The following APP variants were observed in gnomAD, a reference collection of about 807,000 sequenced individuals.
The protein encoded by APP is amyloid-beta precursor protein.
APP carries 31 observed loss-of-function variants against 101.4 expected under a neutral mutation model. That is an observed-to-expected ratio of 0.31 (90% confidence interval 0.23 to 0.41). The LOEUF (loss-of-function observed/expected upper bound fraction) is 0.41. APP is among the 10% of genes least tolerant of loss of function. The pLI, the probability that APP is intolerant of heterozygous loss-of-function variation, is 1.00. For missense variants in APP, 839 were observed against 1,003.7 expected, an observed-to-expected ratio of 0.84 and a Z score of 2.22; for synonymous variants, 366 against 364.4, an observed-to-expected ratio of 1.00 and a Z score of -0.05.
In APP at chr21:26,005,308, C is replaced by T. The variant is rs77878667; in HGVS notation, c.866-5126G>A. Among the ~76,000 whole-genome samples, 294 of 152,084 alleles carry T rather than the reference C, an allele frequency of 1.9e-3. 6 individuals are homozygous for T. In the East Asian group the frequency reaches 0.049, roughly 25 times the overall value. On this transcript the variant is annotated intron_variant, in intron 6 of 17. Transcript: ENST00000346798. ...GTGCACATATAATCTCACCTACTCG[C>T]GAGGCCGAAGCACTGGAATCACTTG...
At chr21:26,057,079 T>C (rs2046071778) in intron 3 of APP, among the ~76,000 whole-genome samples, 1 of 152,216 alleles carries the variant, frequency 6.6e-6, no homozygotes, top group African/African-American at 2.4e-5. Context: ...ATGGAAACTG[T>C]ACTTTCTACT....
At chr21:26,045,026 T>C (rs1568903004) in intron 5 of APP, among the ~76,000 whole-genome samples, 1 of 152,302 alleles carries the variant, frequency 6.6e-6, no homozygotes, top group South Asian at 2.1e-4. Context: ...TGCAACACAT[T>C]TATTTGATAC....
In APP at chr21:26,130,359, G is replaced by C. The variant is rs113339303; in HGVS notation, c.58-18213C>G. On this transcript the variant is annotated intron_variant, in intron 1 of 17. Coordinates refer to ENST00000346798, the MANE Select transcript of APP (RefSeq NM_000484.4). ...TAAGTTCTTGTTTGAAGATCACCAA[G>C]CTTCTATAGTGTCTCTCTGAAGTGG... is the stretch of plus-strand genomic sequence containing the variant. 9.8e-4 allele frequency among the ~76,000 whole-genome samples: 149 copies of C among 152,342 alleles called. 1 individual carries two copies. The highest frequency in any genetic ancestry group is 3.3e-3 in the African/African-American group (138 of 41,586).
At chr21:26,075,938 G>T (rs1473298114) in intron 3 of APP, among the ~76,000 whole-genome samples, 2 of 152,092 alleles carry the variant, frequency 1.3e-5, no homozygotes, top group African/African-American at 4.8e-5. Flanking sequence ...TTGTCATCCA[G>T]GCTGGCGTGC....
intron 11 of APP, 45 bp downstream of exon 11, chr21:25,975,025 C>T: frequency 6.2e-7 from 1 of 1,612,820 alleles, no homozygotes; most frequent in Non-Finnish European, 8.5e-7. Context: ...CCCTTACTGT[C>T]TGTGCTGTGA....
intron 1 of APP, among the ~76,000 whole-genome samples, chr21:26,169,692 G>A (rs951591354): frequency 6.6e-6 from 1 of 152,248 alleles, no homozygotes; most frequent in Non-Finnish European, 1.5e-5. Context: ...CCGGGCGGGA[G>A]CCTCGGTGGC....
rs199905452 is a variant in APP at position 25,911,863 on chromosome 21, G to T, written c.1787C>A (p.Ser596Tyr). The change falls in exon 14 of 18, where the codon TCT becomes TAT. Residue 596 changes from serine (S) to tyrosine (Y), a missense_variant. By Grantham distance (144) the Ser-to-Tyr change is moderately radical. Transcript: ENST00000346798. ...CACGGTGGTTTTCGTTTCGGTCAAAGATGGCATGAGAGCATCGTTTCCGTA... is the reference window on the plus strand; with the variant it reads ...CACGGTGGTTTTCGTTTCGGTCAAATATGGCATGAGAGCATCGTTTCCGTA... ...ISYGNDALMP[S>Y]LTETKTTVEL... 1 of 1,614,166 alleles carries T rather than the reference G, an allele frequency of 6.2e-7. No individual in the cohort carries two copies. The highest frequency in any genetic ancestry group is 1.3e-5 in the African/African-American group (1 of 75,046).
chr21:25,938,834 GC>G (rs2040457416), intron 13 of APP, among the ~76,000 whole-genome samples: 1 of 152,176 alleles, frequency 6.6e-6, no homozygotes, highest in African/African-American at 2.4e-5. Context: ...GAAAGCTCGA[GC>G]TAGGACTGGA....
intron 1 of APP, among the ~76,000 whole-genome samples, chr21:26,130,326 CTTT>C (rs1010310151): frequency 1.1e-4 from 17 of 152,182 alleles, no homozygotes; most frequent in Non-Finnish European, 2.4e-4. Flanking sequence ...AAGAAAACTT[CTTT>C]GTTTTAAGTT....
At position 26,000,201 on chromosome 21, in the gene APP, G is replaced by A. The variant is rs1477198539; in HGVS notation, c.866-19C>T. 4 of 1,613,898 alleles carry A rather than the reference G, an allele frequency of 2.5e-6. No individual in the cohort carries two copies. Among genetic ancestry groups the A allele is most frequent in the East Asian group, 2.2e-5 (1 of 44,874 alleles). The stretch of plus-strand genomic sequence containing the variant: ...CACACCTCTAATCAGAGGAGATGTG[G>A]GGAACCACATTTAGCATGAAAAGGC... On this transcript the variant is annotated intron_variant, in intron 6 of 17. Coordinates refer to ENST00000346798, the MANE Select transcript of APP (RefSeq NM_000484.4).
At position 25,955,659 on chromosome 21, in the gene APP, C is replaced by T; in HGVS notation, c.1555G>A (p.Asp519Asn). The change falls in exon 12 of 18, where the codon GAT (aspartate) becomes AAT (asparagine). Residue 519 changes from aspartate to asparagine, a missense_variant. Coordinates refer to ENST00000346798, the MANE Select transcript of APP (RefSeq NM_000484.4). ...LKHFEHVRMVDPKKAAQIRSQ... is the reference protein window; with the variant it reads ...LKHFEHVRMVNPKKAAQIRSQ... ...CGGATCTGAGCGGCTTTCTTGGGAT[C>T]CACCATGCGCACATGCTCGAAATGC... 6.2e-7 allele frequency: 1 copy of T among 1,614,164 alleles called. No homozygotes were observed. The highest frequency in any genetic ancestry group is 8.5e-7 in the Non-Finnish European group (1 of 1,180,036).
chr21:26,078,811 C>T (rs949647620), intron 3 of APP, among the ~76,000 whole-genome samples: 1 of 152,052 alleles, frequency 6.6e-6, no homozygotes, highest in African/African-American at 2.4e-5. Flanking sequence ...TTTGGGAGGC[C>T]GAGGCGCGGA....
chr21:25,987,756 T>G (rs576067558), intron 8 of APP, among the ~76,000 whole-genome samples: 1 of 152,170 alleles, frequency 6.6e-6, no homozygotes, highest in Non-Finnish European at 1.5e-5. Flanking sequence ...AGCTCTGACA[T>G]GGACAAACTA....
intron 3 of APP, chr21:26,053,573 G>A: frequency 2.3e-6 from 1 of 436,668 alleles, no homozygotes; most frequent in South Asian, 2.7e-5. Flanking sequence ...CCTAAATGCT[G>A]CAAGTGAAAT....
chr21:26,063,596 G>A (rs965719320), intron 3 of APP, among the ~76,000 whole-genome samples: 6 of 151,964 alleles, frequency 3.9e-5, no homozygotes, highest in Non-Finnish European at 7.4e-5. Context: ...AGCTAAAGCC[G>A]GAATAATTTG....
intron 5 of APP, among the ~76,000 whole-genome samples, chr21:26,035,623 C>T (rs188415679): frequency 3.3e-5 from 5 of 152,096 alleles, no homozygotes; most frequent in East Asian, 3.8e-4. Context: ...GGTTTTTAAG[C>T]GTATTGGTAA....
chr21:25,948,161 A>ATTTTT (rs59620258), intron 13 of APP, among the ~76,000 whole-genome samples: 19,368 of 147,258 alleles, frequency 0.13, 1,649 homozygotes, highest in Non-Finnish European at 0.19. Flanking sequence ...TGCTGTTATG[A>ATTTTT]TTTTTTTTTT....
intron 1 of APP, among the ~76,000 whole-genome samples, chr21:26,164,510 T>C (rs910101504): frequency 5.3e-5 from 8 of 152,196 alleles, no homozygotes; most frequent in Non-Finnish European, 1.2e-4. Flanking sequence ...ACATAGCTGA[T>C]AGCCAACTAA....
intron 1 of APP, among the ~76,000 whole-genome samples, chr21:26,128,237 T>C (rs1680914783): frequency 6.6e-6 from 1 of 152,200 alleles, no homozygotes. Flanking sequence ...CAAGTCTACA[T>C]AGTATTTTTA....
Sources: allele counts gnomAD v4.1 joint callset (sites outside exome capture counted in the v4.1 genomes callset), GRCh38; gene constraint gnomAD v4.1.1; transcripts MANE v1.5; gene names NCBI Gene and HGNC (gene_info 2026-07-23, HGNC 2026-07-21).